The following GGT1 variants were observed in gnomAD, a reference collection of about 807,000 sequenced individuals.
GGT1 encodes the protein gamma-glutamyltransferase 1.
A neutral mutation model predicts 56.0 loss-of-function variants in GGT1; 21 were observed. The observed-to-expected ratio is 0.38, with a 90% CI of 0.27 to 0.54. GGT1 has a LOEUF of 0.54. GGT1 is among the 20% of genes least tolerant of loss of function. The probability of loss-of-function intolerance (pLI) is 0.82; values close to 1 mark genes in which losing one functional copy is unlikely to be tolerated. For missense variants in GGT1, 466 were observed against 787.0 expected, an observed-to-expected ratio of 0.59 and a Z score of 4.88; for synonymous variants, 238 against 342.6, an observed-to-expected ratio of 0.69 and a Z score of 3.37.
chr22:24,610,892 C>G (rs2046610021), intron 4 of GGT1, among the ~76,000 whole-genome samples, 183 bp from the exon 5 acceptor site: 1 of 151,616 alleles, frequency 6.6e-6, no homozygotes, highest in Non-Finnish European at 1.5e-5. Context: ...CCCAGAGCTT[C>G]TGGCAGAGGG....
chr22:24,610,883 C>T (rs1198558255), intron 4 of GGT1, among the ~76,000 whole-genome samples, 192 bp from the exon 5 acceptor site: 1 of 151,292 alleles, frequency 6.6e-6, no homozygotes, highest in Non-Finnish European at 1.5e-5. Context: ...GAGATGAGGC[C>T]CAGAGCTTCT....
intron 1 of GGT1, among the ~76,000 whole-genome samples, chr22:24,595,791 C>CCA (rs1448282974): frequency 6.6e-6 from 1 of 152,204 alleles, no homozygotes; most frequent in Non-Finnish European, 1.5e-5. Flanking sequence ...GCCCAATGGG[C>CCA]AGGTAGAGGG....
intron 2 of GGT1, among the ~76,000 whole-genome samples, chr22:24,608,364 G>C (rs1025415893): frequency 6.6e-5 from 10 of 152,336 alleles, no homozygotes; most frequent in African/African-American, 2.4e-4. Context: ...GAGCCTGGCT[G>C]GGTGTCCCCT....
At chr22:24,606,907 A>G (rs1201694933) in intron 1 of GGT1, among the ~76,000 whole-genome samples, 1 of 151,550 alleles carries the variant, frequency 6.6e-6, no homozygotes, top group East Asian at 1.9e-4. Flanking sequence ...GCCCAGGAGC[A>G]GGGGAGGGAG....
In GGT1 at chr22:24,628,221, C is replaced by A; in HGVS notation, c.1449+28C>A. 1 of 1,612,030 alleles carries A rather than the reference C, an allele frequency of 6.2e-7. No individual in the cohort carries two copies. Reference sequence around the variant, plus strand: ...ATGTGTCACACCTTTTCTCCCTGGCCGTGCCCACCCTGCACAGCCCCCAAG... The same window carrying A: ...ATGTGTCACACCTTTTCTCCCTGGCAGTGCCCACCCTGCACAGCCCCCAAG... On this transcript the variant is annotated intron_variant, in intron 14 of 15. Coordinates refer to ENST00000400382, the MANE Select transcript of GGT1 (RefSeq NM_001288833.2). The surrounding 1 kb of genome is among the most constrained non-coding windows in gnomAD (Gnocchi z 5.7).
rs756233295 is a variant in GGT1 at position 24,627,453 on chromosome 22, G to A, written c.1042G>A (p.Glu348Lys). 43 of 1,451,952 alleles carry A rather than the reference G, an allele frequency of 3.0e-5. 1 individual carries two copies. Among genetic ancestry groups the A allele is most frequent in the Middle Eastern group, 5.6e-4 (2 of 3,586 alleles). 89.9% of individuals were successfully genotyped at this position (1,451,952 alleles called of 1,614,324 possible). A position where few individuals can be genotyped will look rare whatever the true frequency, so the allele number is the denominator to read the frequency against. ...GCAGGTGGTCCGCAACATGACCTCCGAGTTCTTCGCTGCCCAGCTCCGGGC... is the reference window on the plus strand; with the variant it reads ...GCAGGTGGTCCGCAACATGACCTCCAAGTTCTTCGCTGCCCAGCTCCGGGC... Reference protein sequence around the residue: ...VTEVVRNMTSEFFAAQLRAQI... With the variant: ...VTEVVRNMTSKFFAAQLRAQI... Residue 348 changes from glutamate to lysine, a missense_variant, in exon 12 of 16, where the codon GAG (glutamate) becomes AAG (lysine). Coordinates refer to ENST00000400382, the MANE Select transcript of GGT1 (RefSeq NM_001288833.2).
At chr22:24,612,615 C>T (rs2147349189) in intron 5 of GGT1, among the ~76,000 whole-genome samples, 1 of 152,228 alleles carries the variant, frequency 6.6e-6, no homozygotes, top group South Asian at 2.1e-4. Flanking sequence ...CAACCTCCGT[C>T]TCCTGGATTC....
intron 9 of GGT1, among the ~76,000 whole-genome samples, chr22:24,622,304 C>T (rs1390797473): frequency 6.6e-6 from 1 of 151,878 alleles, no homozygotes. Context: ...GTGGCTCACG[C>T]CTGTAATCCC....
At chr22:24,587,344 G>A in the GGT1 span, among the ~76,000 whole-genome samples, 7 of 152,158 alleles carry the variant, frequency 4.6e-5, no homozygotes, top group South Asian at 2.1e-4. Flanking sequence ...AAGGACCCCC[G>A]CCCCCACCAA....
upstream of GGT1, among the ~76,000 whole-genome samples, chr22:24,590,296 TA>T (rs113259804): frequency 2.0e-5 from 3 of 150,190 alleles, no homozygotes; most frequent in African/African-American, 4.9e-5. Context: ...CTCAGCTAAT[TA>T]AAAAAAAAAT....
chr22:24,585,929 GC>G, the GGT1 span: 1 of 1,607,478 alleles, frequency 6.2e-7, no homozygotes, highest in Non-Finnish European at 8.5e-7. Flanking sequence ...CAGCCCAGCA[GC>G]TGTGGAGTCC....
rs2330814 is a variant in GGT1, at chr22:24,606,429, G to C, written c.-428-1525G>C. On this transcript the variant is annotated intron_variant, in intron 1 of 15. Transcript: ENST00000400382. ...CAGAGAGGAAACTGCTGAGCAGGCC[G>C]GGGCAGGGGACAGAGCCCTGTGGCT... Among the ~76,000 whole-genome samples, 19 of 152,232 alleles carry C rather than the reference G, an allele frequency of 1.2e-4. No homozygotes were observed. In the East Asian group the frequency reaches 3.1e-3, roughly 25 times the overall value.
Position 24,605,097 on chromosome 22 carries a change from ATGTAT to A in GGT1, c.-429+1572_-429+1576del, listed in dbSNP as rs2045972854. Among the ~76,000 whole-genome samples, 5 of 33,198 alleles carry A rather than the reference ATGTAT, an allele frequency of 1.5e-4. 1 individual carries two copies. Among genetic ancestry groups the A allele is most frequent in the African/African-American group, 6.8e-4 (5 of 7,354 alleles). 21.8% of individuals were successfully genotyped at this position (33,198 alleles called of 152,430 possible). ...TAATATATAAAGTATATTATATAATATGTATTATATTATATATTATATAATATGTA... is the reference window on the plus strand; with the variant it reads ...TAATATATAAAGTATATTATATAATATATATTATATATTATATAATATGTA... On this transcript the variant is annotated intron_variant, in intron 1 of 15. Coordinates refer to ENST00000400382, the MANE Select transcript of GGT1 (RefSeq NM_001288833.2).
At chr22:24,601,606 C>G (rs2045783315), upstream of GGT1, among the ~76,000 whole-genome samples, 3 of 152,216 alleles carry the variant, frequency 2.0e-5, no homozygotes, top group Admixed American at 2.0e-4. Context: ...CTTTGGAGGC[C>G]ACAGTGGGCC....
At chr22:24,614,540 C>T (rs1287317409) in intron 5 of GGT1, among the ~76,000 whole-genome samples, 1 of 145,844 alleles carries the variant, frequency 6.9e-6, no homozygotes. Flanking sequence ...GGCTTGAACC[C>T]GGGAGGCAGA....
At chr22:24,591,631 GGA>G (rs1182813057), upstream of GGT1, among the ~76,000 whole-genome samples, 4 of 152,228 alleles carry the variant, frequency 2.6e-5, no homozygotes, top group Non-Finnish European at 5.9e-5. Flanking sequence ...TGGTCTCTGA[GGA>G]TCCTTCTTTC....
At chr22:24,593,796 A>AG (rs71902994), upstream of GGT1, among the ~76,000 whole-genome samples, 5,262 of 151,770 alleles carry the variant, frequency 0.035, 311 homozygotes, top group African/African-American at 0.12. Flanking sequence ...CAAAAAAAAA[A>AG]AAAAGAAAAG....
At chr22:24,602,666 C>G (rs149600522), upstream of GGT1, among the ~76,000 whole-genome samples, 83 of 152,282 alleles carry the variant, frequency 5.5e-4, no homozygotes, top group East Asian at 0.015. Flanking sequence ...AAGGACCCTC[C>G]TGGATTATGT....
chr22:24,607,678 C>T (rs1004004495), intron 1 of GGT1: 56 of 247,942 alleles, frequency 2.3e-4, no homozygotes, highest in Non-Finnish European at 4.1e-4. Flanking sequence ...TGTGCAGATG[C>T]CTCCCACTGT....
Sources: gnomAD v4.1 joint callset for allele counts (sites outside exome capture counted in the v4.1 genomes callset) on GRCh38, gnomAD v4.1.1 for gene constraint, Gnocchi (gnomAD v3.1) non-coding constraint, MANE v1.5 for transcripts, NCBI Gene and HGNC (gene_info 2026-07-23, HGNC 2026-07-21) for gene names.